MACROD2: variants seen among roughly 807,000 people sequenced by gnomAD.
The protein encoded by MACROD2 is mono-ADP ribosylhydrolase 2, also known as ADP-ribose glycohydrolase MACROD2.
A neutral mutation model predicts 70.4 loss-of-function variants in MACROD2; 36 were observed. The ratio of observed to expected loss-of-function variants is 0.51; its 90% CI spans 0.39 to 0.68. The LOEUF (loss-of-function observed/expected upper bound fraction) is 0.68, where lower values mean the gene tolerates loss of function less well. Ranked by LOEUF, MACROD2 falls within the 30% of genes least tolerant of loss-of-function variation. MACROD2 has a pLI of 0.00. For missense variants in MACROD2, 496 were observed against 538.4 expected (o/e 0.92, Z 0.78); for synonymous variants, 172 against 178.8 (o/e 0.96, Z 0.30).
intron 5 of MACROD2, among the ~76,000 whole-genome samples, chr20:14,714,896 A>C (rs2071380044): frequency 6.6e-6 from 1 of 152,184 alleles, no homozygotes; most frequent in African/African-American, 2.4e-5. Flanking sequence ...CAGTGTCCAC[A>C]GTGTTTTTGT....
Position 15,709,347 on chromosome 20 carries a change from T to A in MACROD2, c.646-153398T>A, listed in dbSNP as rs528671424. Among the ~76,000 whole-genome samples, 340 of 152,262 alleles carry A rather than the reference T, an allele frequency of 2.2e-3. 4 individuals are homozygous for A. The highest frequency in any genetic ancestry group is 8.0e-3 in the African/African-American group (331 of 41,534). On this transcript the variant is annotated intron_variant, in intron 8 of 17. Transcript: ENST00000684519. Reference sequence around the variant, plus strand: ...AAATGTTTTTTAATATAGAAGACTTTTAAAAACATTGAAATAATAACTGTA... The same window carrying A: ...AAATGTTTTTTAATATAGAAGACTTATAAAAACATTGAAATAATAACTGTA...
intron 8 of MACROD2, among the ~76,000 whole-genome samples, chr20:15,699,352 T>C (rs1183926263): frequency 6.6e-6 from 1 of 152,160 alleles, no homozygotes; most frequent in Admixed American, 6.5e-5. Flanking sequence ...CTCTTCTGGG[T>C]CTAGCCACCC....
At chr20:15,937,425 G>A (rs1357602524) in intron 11 of MACROD2, 51 bp from the exon 12 acceptor site, 1 of 1,574,624 alleles carries the variant, frequency 6.4e-7, no homozygotes, top group Non-Finnish European at 8.7e-7. Flanking sequence ...AGCCACAGCT[G>A]GACTTCCGGA....
intron 5 of MACROD2, among the ~76,000 whole-genome samples, chr20:14,698,187 C>A (rs188252104): frequency 1.3e-5 from 2 of 152,270 alleles, no homozygotes. Context: ...CCCTTCCTTA[C>A]AATGAAAAGA....
chr20:14,544,819 C>T (rs768634515), intron 4 of MACROD2, among the ~76,000 whole-genome samples: 2 of 152,058 alleles, frequency 1.3e-5, no homozygotes, highest in African/African-American at 4.8e-5. Flanking sequence ...AGTATTTATC[C>T]GTCAACTCCT....
At chr20:14,274,945 G>A (rs2082236280) in intron 3 of MACROD2, among the ~76,000 whole-genome samples, 1 of 152,120 alleles carries the variant, frequency 6.6e-6, no homozygotes, top group African/African-American at 2.4e-5. Context: ...TACAAGGGAT[G>A]TGAAGGACCT....
At chr20:14,513,630 G>A (rs1350860502) in intron 4 of MACROD2, among the ~76,000 whole-genome samples, 2 of 151,978 alleles carry the variant, frequency 1.3e-5, no homozygotes. Context: ...TAAAGAAATT[G>A]CATATAAATA....
intron 5 of MACROD2, among the ~76,000 whole-genome samples, chr20:15,100,204 T>A (rs1017480514): frequency 6.6e-6 from 1 of 152,178 alleles, no homozygotes; most frequent in Non-Finnish European, 1.5e-5. Context: ...CCCAAAATGC[T>A]GGGATCTGTA....
At chr20:14,992,902 C>T (rs2074917603) in intron 5 of MACROD2, among the ~76,000 whole-genome samples, 1 of 151,774 alleles carries the variant, frequency 6.6e-6, no homozygotes, top group South Asian at 2.1e-4. Flanking sequence ...CGATAGCTTT[C>T]TAGGCTCTAA....
chr20:14,536,198 C>T (rs1347372052), intron 4 of MACROD2, among the ~76,000 whole-genome samples: 4 of 152,088 alleles, frequency 2.6e-5, no homozygotes, highest in Non-Finnish European at 5.9e-5. Flanking sequence ...ACGTTGACTT[C>T]CAGTGATCTC....
chr20:14,914,007 G>A lies in MACROD2; in HGVS notation c.418+229048G>A, dbSNP rs576794925. ...TTCTCTTTGTTTGGCTGCAGATACC[G>A]CATACTCTAAGCAATTTGCAGCCTT... On this transcript the variant is annotated intron_variant, in intron 5 of 17. Transcript: ENST00000684519. Among the ~76,000 whole-genome samples, 15 of 152,202 alleles carry A rather than the reference G, an allele frequency of 9.9e-5. No individual in the cohort carries two copies. The South Asian group carries it at 1.9e-3, about 19-fold the overall frequency.
At chr20:14,310,628 A>G (rs1443446886) in intron 3 of MACROD2, among the ~76,000 whole-genome samples, 1 of 151,986 alleles carries the variant, frequency 6.6e-6, no homozygotes, top group Non-Finnish European at 1.5e-5. Flanking sequence ...TTTTTTATTT[A>G]TTTATTTTTA....
At chr20:14,592,364 C>T (rs565513835) in intron 4 of MACROD2, among the ~76,000 whole-genome samples, 5 of 152,128 alleles carry the variant, frequency 3.3e-5, no homozygotes, top group East Asian at 3.9e-4. Context: ...TGATTTGGTC[C>T]GCTAGAAGAA....
intron 4 of MACROD2, among the ~76,000 whole-genome samples, chr20:14,541,550 T>C (rs185408693): frequency 3.3e-5 from 5 of 152,240 alleles, no homozygotes; most frequent in Non-Finnish European, 5.9e-5. Flanking sequence ...CTTACTGTTG[T>C]ATCTTCAGAC....
At chr20:14,635,642 A>G (rs1568712374) in intron 4 of MACROD2, among the ~76,000 whole-genome samples, 1 of 152,254 alleles carries the variant, frequency 6.6e-6, no homozygotes, top group African/African-American at 2.4e-5. Flanking sequence ...TTACAAAGAC[A>G]CAAGACCTTA....
chr20:15,363,735 G>C (rs1042991125), intron 6 of MACROD2, among the ~76,000 whole-genome samples: 8 of 152,116 alleles, frequency 5.3e-5, no homozygotes. Flanking sequence ...AGCAACTAAA[G>C]CTCAAATTTA....
At chr20:15,991,999 A>G (rs990485097) in intron 15 of MACROD2, among the ~76,000 whole-genome samples, 1 of 152,210 alleles carries the variant, frequency 6.6e-6, no homozygotes, top group Admixed American at 6.6e-5. Context: ...ATATAGAACC[A>G]GTTCATTCAA....
rs145361775 is a variant in MACROD2, at chr20:14,465,468, A to G, written c.272-28011A>G. Among the ~76,000 whole-genome samples, 1,199 of 152,122 alleles carry G rather than the reference A, an allele frequency of 7.9e-3. 22 individuals are homozygous for G. The highest frequency in any genetic ancestry group is 0.028 in the African/African-American group (1,152 of 41,420). On this transcript the variant is annotated intron_variant, in intron 3 of 17. Coordinates refer to ENST00000684519, the MANE Select transcript of MACROD2 (RefSeq NM_001351661.2). Reference sequence around the variant, plus strand: ...TGGGTTTCCTGAATACAGCACACTGATGGGTCTTGACTCTATCCAATTTGC... The same window carrying G: ...TGGGTTTCCTGAATACAGCACACTGGTGGGTCTTGACTCTATCCAATTTGC...
intron 3 of MACROD2, among the ~76,000 whole-genome samples, chr20:14,234,659 T>C (rs1273789524): frequency 2.0e-5 from 3 of 152,222 alleles, no homozygotes; most frequent in African/African-American, 7.2e-5. Context: ...ATTGTTCTAG[T>C]TCTTTCTGTC....
Sources: gnomAD v4.1 joint callset for allele counts (sites outside exome capture counted in the v4.1 genomes callset) on GRCh38, gnomAD v4.1.1 for gene constraint, MANE v1.5 for transcripts, NCBI Gene and HGNC (gene_info 2026-07-23, HGNC 2026-07-21) for gene names.